The following SPOCK3 variants were observed in gnomAD, a reference collection of about 807,000 sequenced individuals.
SPOCK3 encodes the protein SPARC (osteonectin), cwcv and kazal like domains proteoglycan 3.
A neutral mutation model predicts 56.6 loss-of-function variants in SPOCK3; 30 were observed. The observed-to-expected ratio is 0.53, with a 90% CI of 0.40 to 0.72. SPOCK3 has a LOEUF of 0.72. SPOCK3 is among the 30% of genes least tolerant of loss of function. The pLI, the probability that SPOCK3 is intolerant of heterozygous loss-of-function variation, is 0.00. For synonymous variants in SPOCK3, 196 were observed against 183.3 expected (o/e 1.07, Z -0.56); for missense variants, 527 against 530.0 (o/e 0.99, Z 0.06).
chr4:167,205,001 CTA>C (rs1733894374), intron 2 of SPOCK3, among the ~76,000 whole-genome samples: 1 of 145,588 alleles, frequency 6.9e-6, no homozygotes, highest in Admixed American at 7.1e-5. Context: ...CCATCACCAG[CTA>C]TTTTTTTTTT....
chr4:166,754,453 G>C (rs756732491), intron 8 of SPOCK3, 55 bp downstream of exon 8: 65 of 1,561,806 alleles, frequency 4.2e-5, no homozygotes, highest in Non-Finnish European at 5.4e-5. Flanking sequence ...TAAAAAATAA[G>C]TAAAATTTGA....
chr4:167,212,761 C>T (rs1037864778), intron 2 of SPOCK3, among the ~76,000 whole-genome samples: 2 of 152,118 alleles, frequency 1.3e-5, no homozygotes, highest in African/African-American at 4.8e-5. Flanking sequence ...ACATTCAATT[C>T]AAAATACATT....
chr4:167,057,718 A>G (rs2150235068), intron 3 of SPOCK3, among the ~76,000 whole-genome samples: 1 of 152,322 alleles, frequency 6.6e-6, no homozygotes, highest in South Asian at 2.1e-4. Flanking sequence ...AAAGGGATCA[A>G]TTCAACAAGA....
chr4:166,832,269 AG>A (rs563712392), intron 6 of SPOCK3, among the ~76,000 whole-genome samples: 74 of 152,084 alleles, frequency 4.9e-4, no homozygotes, highest in Non-Finnish European at 8.8e-4. Context: ...ATATGGTGAA[AG>A]GTAGGAGTCC....
intron 6 of SPOCK3, among the ~76,000 whole-genome samples, chr4:166,881,794 T>G (rs1353905601): frequency 2.6e-5 from 4 of 152,094 alleles, no homozygotes; most frequent in Non-Finnish European, 4.4e-5. Flanking sequence ...GATGCTAAAC[T>G]TCAAATATTT....
At chr4:166,951,009 C>A (rs1268300383) in intron 4 of SPOCK3, among the ~76,000 whole-genome samples, 3 of 130,156 alleles carry the variant, frequency 2.3e-5, no homozygotes, top group Admixed American at 1.5e-4. Flanking sequence ...GACACCCTAA[C>A]ATCACAATTA....
chr4:167,205,400 A>AAT (rs1554053280), intron 2 of SPOCK3, among the ~76,000 whole-genome samples: 20 of 41,898 alleles, frequency 4.8e-4, no homozygotes, highest in African/African-American at 2.3e-3. Context: ...TTTTATATAT[A>AAT]ATATATTATA....
intron 4 of SPOCK3, among the ~76,000 whole-genome samples, chr4:166,967,097 G>A (rs1369421518): frequency 6.6e-6 from 1 of 152,066 alleles, no homozygotes; most frequent in Non-Finnish European, 1.5e-5. Context: ...GATTTATGAA[G>A]TACTTCCTCC....
At chr4:166,952,278 A>T (rs1200085551) in intron 4 of SPOCK3, among the ~76,000 whole-genome samples, 5 of 152,180 alleles carry the variant, frequency 3.3e-5, no homozygotes, top group Non-Finnish European at 5.9e-5. Context: ...AAGCATTCTT[A>T]TACACCAATA....
intron 4 of SPOCK3, among the ~76,000 whole-genome samples, chr4:166,923,336 T>C (rs1431903195): frequency 6.6e-6 from 1 of 152,206 alleles, no homozygotes; most frequent in African/African-American, 2.4e-5. Flanking sequence ...TTGGCACACA[T>C]AGTAATATTC....
At chr4:166,821,166 ATATTT>A (rs1744897238) in intron 6 of SPOCK3, among the ~76,000 whole-genome samples, 1 of 152,114 alleles carries the variant, frequency 6.6e-6, no homozygotes, top group African/African-American at 2.4e-5. Flanking sequence ...ATTTGAATAA[ATATTT>A]TATTAAAGAA....
intron 2 of SPOCK3, among the ~76,000 whole-genome samples, chr4:167,089,868 T>C (rs762717711): frequency 6.6e-6 from 1 of 152,190 alleles, no homozygotes; most frequent in Admixed American, 6.6e-5. Flanking sequence ...TCAAATGTTA[T>C]ACAAATGGAA....
At chr4:167,000,739 T>G (rs1748868662) in intron 3 of SPOCK3, among the ~76,000 whole-genome samples, 1 of 152,220 alleles carries the variant, frequency 6.6e-6, no homozygotes, top group African/African-American at 2.4e-5. Context: ...AGACTCAAAC[T>G]CTCTGTAGTT....
intron 4 of SPOCK3, among the ~76,000 whole-genome samples, chr4:166,933,667 T>C (rs935517396): frequency 6.6e-6 from 1 of 152,042 alleles, no homozygotes; most frequent in Non-Finnish European, 1.5e-5. Context: ...CGAGGAAGAG[T>C]AAATTTGCAA....
At chr4:166,874,798 C>A (rs1291649397) in intron 6 of SPOCK3, among the ~76,000 whole-genome samples, 2 of 152,082 alleles carry the variant, frequency 1.3e-5, no homozygotes, top group South Asian at 2.1e-4. Context: ...AGGGCAGATG[C>A]AAATTTAATA....
chr4:167,217,143 A>G (rs865891062), intron 2 of SPOCK3, among the ~76,000 whole-genome samples: 12 of 152,110 alleles, frequency 7.9e-5, no homozygotes, highest in African/African-American at 2.9e-4. Flanking sequence ...GTAAACTTTA[A>G]AAAGAATTAA....
At chr4:166,986,679 T>A (rs2150103912) in intron 4 of SPOCK3, among the ~76,000 whole-genome samples, 1 of 152,242 alleles carries the variant, frequency 6.6e-6, no homozygotes, top group Admixed American at 6.5e-5. Context: ...TAAAAGGGAC[T>A]CTAATTTCCA....
chr4:166,972,102 A>G (rs566137714), intron 4 of SPOCK3, among the ~76,000 whole-genome samples: 2 of 152,276 alleles, frequency 1.3e-5, no homozygotes, highest in South Asian at 4.1e-4. Context: ...CCACTACTAT[A>G]AATTCAGCCT....
At chr4:167,222,677 A>T (rs1227516310) in intron 2 of SPOCK3, among the ~76,000 whole-genome samples, 2 of 135,234 alleles carry the variant, frequency 1.5e-5, no homozygotes, top group Non-Finnish European at 3.1e-5. Flanking sequence ...ATAGATATAT[A>T]TTTATATATG....
Sources: gnomAD v4.1 joint callset for allele counts (sites outside exome capture counted in the v4.1 genomes callset) on GRCh38, gnomAD v4.1.1 for gene constraint, MANE v1.5 for transcripts, NCBI Gene and HGNC (gene_info 2026-07-23, HGNC 2026-07-21) for gene names.